Variants in CUBN observed in about 807,000 individuals in gnomAD.
CUBN encodes cubilin.
A neutral mutation model predicts 405.3 loss-of-function variants in CUBN; 282 were observed. The observed-to-expected ratio is 0.70, with a 90% CI of 0.63 to 0.77. The LOEUF (loss-of-function observed/expected upper bound fraction) is 0.77. CUBN is among the 30% of genes least tolerant of loss of function. The probability of loss-of-function intolerance (pLI) is 0.00; values close to 1 mark genes in which losing one functional copy is unlikely to be tolerated. For synonymous variants in CUBN, 1,684 were observed against 1,617.0 expected (o/e 1.04, Z -0.99); for missense variants, 4,514 against 4,475.2 (o/e 1.01, Z -0.25).
chr10:16,867,035 C>T (rs1164496118), intron 59 of CUBN, among the ~76,000 whole-genome samples: 1 of 152,174 alleles, frequency 6.6e-6, no homozygotes, highest in Non-Finnish European at 1.5e-5. Context: ...GTACATAAAA[C>T]ATTGCCAAGT....
chr10:17,047,622 C>T lies in CUBN; in HGVS notation c.3140-19G>A, dbSNP rs756998727. ...AAACATGCTGTGAACAGAAACAGACCATAAGAGAGAAAATAGAAAATATTG... is the reference window on the plus strand; with the variant it reads ...AAACATGCTGTGAACAGAAACAGACTATAAGAGAGAAAATAGAAAATATTG... On this transcript the variant is annotated intron_variant, in intron 22 of 66. Transcript: ENST00000377833. 4.4e-5 allele frequency: 70 copies of T among 1,605,368 alleles called. No individual in the cohort carries two copies. Among genetic ancestry groups the T allele is most frequent in the Non-Finnish European group, 5.5e-5 (65 of 1,172,336 alleles).
chr10:16,973,993 T>A (rs981947441), intron 31 of CUBN, among the ~76,000 whole-genome samples: 3 of 152,158 alleles, frequency 2.0e-5, no homozygotes, highest in African/African-American at 7.2e-5. Context: ...GCATTTCTGC[T>A]CCTAGTATTC....
intron 28 of CUBN, among the ~76,000 whole-genome samples, chr10:16,999,440 CA>C (rs1564470530): frequency 6.6e-6 from 1 of 152,174 alleles, no homozygotes; most frequent in Non-Finnish European, 1.5e-5. Flanking sequence ...TAATTTCAAT[CA>C]AATTAAAAAA....
At chr10:16,877,884 T>C (rs1318820073) in intron 56 of CUBN, among the ~76,000 whole-genome samples, 2 of 152,248 alleles carry the variant, frequency 1.3e-5, no homozygotes, top group Non-Finnish European at 2.9e-5. Context: ...TTAACTTGGA[T>C]CATACCTAAT....
chr10:17,112,622 GC>G (rs1485827379), intron 8 of CUBN, among the ~76,000 whole-genome samples: 2 of 151,618 alleles, frequency 1.3e-5, no homozygotes, highest in East Asian at 3.9e-4. Flanking sequence ...AATTGTGCTT[GC>G]CCCTGAGAAC....
At chr10:16,859,208 C>T (rs547030315) in intron 59 of CUBN, among the ~76,000 whole-genome samples, 24 of 152,108 alleles carry the variant, frequency 1.6e-4, no homozygotes, top group Non-Finnish European at 3.5e-4. Context: ...TGGGAAATAA[C>T]ATTTGCAAAC....
chr10:16,916,300 T>A (rs1588646973), intron 45 of CUBN, among the ~76,000 whole-genome samples: 1 of 152,250 alleles, frequency 6.6e-6, no homozygotes, highest in Non-Finnish European at 1.5e-5. Context: ...TATTCTGTAA[T>A]GTCACATTAA....
chr10:16,904,135 AAGTGCCATCATTG>A lies in CUBN; in HGVS notation c.7913-33_7913-21del. 6.2e-7 allele frequency: 1 copy of A among 1,612,204 alleles called. No individual in the cohort carries two copies. The highest frequency in any genetic ancestry group is 8.5e-7 in the Non-Finnish European group (1 of 1,178,326). On this transcript the variant is annotated intron_variant, in intron 50 of 66. Coordinates refer to ENST00000377833, the MANE Select transcript of CUBN (RefSeq NM_001081.4). ...CATCACCTGAACAAAATAATATACC[AAGTGCCATCATTG>A]ATACAGCTTTTGAGAAATACATTCA...
chr10:17,100,007 G>T lies in CUBN; in HGVS notation c.1763C>A (p.Pro588Gln). Residue 588 changes from proline to glutamine, a missense_variant and splice_region_variant, in exon 14 of 67, where the codon CCA (proline) becomes CAA (glutamine). Pro to Gln is a moderately conservative substitution (Grantham distance 76). Around this residue, in one of 5 missense-constraint regions of CUBN, gnomAD observed 1,448 missense variants for 1,388.0 expected, o/e 1.04. Transcript: ENST00000377833. ...TTTTTCTCCAGGTTCACACATACCT[G>T]GTTGCTGTGTTTCCCATCTTACTGT... ...GFTVRWETQQ[P>Q]ECGGILTGPY... The T allele has an allele frequency of 6.2e-7, 1 of 1,606,910 alleles. No individual in the cohort carries two copies. The highest frequency in any genetic ancestry group is 1.1e-5 in the South Asian group (1 of 90,864).
At chr10:16,891,261 G>GA (rs2131401613) in intron 54 of CUBN, among the ~76,000 whole-genome samples, 1 of 152,240 alleles carries the variant, frequency 6.6e-6, no homozygotes, top group African/African-American at 2.4e-5. Flanking sequence ...TCAGTCCAGG[G>GA]AAAAACAGAG....
chr10:16,827,715 C>G (rs535302951), intron 66 of CUBN, among the ~76,000 whole-genome samples: 41 of 152,354 alleles, frequency 2.7e-4, no homozygotes, highest in African/African-American at 9.4e-4. Context: ...AATTATTTTC[C>G]CTCAGCCTCC....
chr10:17,125,249 C>T (rs545110350), intron 4 of CUBN, among the ~76,000 whole-genome samples: 1 of 151,902 alleles, frequency 6.6e-6, no homozygotes, highest in South Asian at 2.1e-4. Flanking sequence ...CACATACATA[C>T]ACACACACAT....
At position 16,842,186 on chromosome 10, in the gene CUBN, A is replaced by T. The variant is rs553892412; in HGVS notation, c.9664-1139T>A. On this transcript the variant is annotated intron_variant, in intron 60 of 66. Coordinates refer to ENST00000377833, the MANE Select transcript of CUBN (RefSeq NM_001081.4). ...CAGCCTCCCAAGTACCTGGGACTAC[A>T]GGTGCATGCCACCATGCCTAGCTAA... Among the ~76,000 whole-genome samples the T allele has an allele frequency of 2.6e-4, 39 of 152,100 alleles. No individual in the cohort carries two copies. In the East Asian group the frequency reaches 7.3e-3, roughly 29 times the overall value.
chr10:16,839,974 C>A (rs1318849039), intron 62 of CUBN, among the ~76,000 whole-genome samples: 3 of 151,092 alleles, frequency 2.0e-5, no homozygotes, highest in Non-Finnish European at 2.9e-5. Flanking sequence ...GGACAAAAAA[C>A]CAAACACCGC....
chr10:16,947,397 C>A, intron 35 of CUBN, 30 bp from the exon 36 acceptor site: 1 of 1,613,252 alleles, frequency 6.2e-7, no homozygotes, highest in Non-Finnish European at 8.5e-7. Context: ...AAGTGAGTAT[C>A]AGAGCAAAGA....
At chr10:16,960,529 A>C (rs1843187929) in intron 31 of CUBN, among the ~76,000 whole-genome samples, 1 of 152,088 alleles carries the variant, frequency 6.6e-6, no homozygotes, top group Non-Finnish European at 1.5e-5. Flanking sequence ...AAAAACAAAA[A>C]GCTTAACTTT....
rs577354013 is a variant in CUBN at position 16,957,946 on chromosome 10, C to T, written c.4696-3398G>A. Among the ~76,000 whole-genome samples, 34 of 150,420 alleles carry T rather than the reference C, an allele frequency of 2.3e-4. No homozygotes were observed. In the South Asian group the frequency reaches 7.0e-3, roughly 31 times the overall value. On this transcript the variant is annotated intron_variant, in intron 31 of 66. Coordinates refer to ENST00000377833, the MANE Select transcript of CUBN (RefSeq NM_001081.4). ...AAGATTTTGCAAGTCCATGGACTCACAAAATAAGACTCTTCTGGTTTTAAA... is the reference window on the plus strand; with the variant it reads ...AAGATTTTGCAAGTCCATGGACTCATAAAATAAGACTCTTCTGGTTTTAAA...
At position 16,925,397 on chromosome 10, in the gene CUBN, G is replaced by C. The variant is rs199915629; in HGVS notation, c.6490C>G (p.Pro2164Ala). 2 of 1,613,860 alleles carry C rather than the reference G, an allele frequency of 1.2e-6. No homozygotes were observed. The highest frequency in any genetic ancestry group is 2.7e-5 in the African/African-American group (2 of 74,912). ...TTTCCTCCAGGGGGTCCCAAGGGTG[G>C]AGAACAGATATCAGGACCATTTCTT... is the stretch of plus-strand genomic sequence containing the variant. ...VLRNGPDICSPPLGPPGGNGH... is the reference protein window; with the variant it reads ...VLRNGPDICSAPLGPPGGNGH... The change falls in exon 43 of 67, where the codon CCA (proline) becomes GCA (alanine). Residue 2164 changes from proline (P) to alanine (A), a missense_variant. Physicochemically the swap from Pro to Ala is conservative, Grantham distance 27. Transcript: ENST00000377833.
At chr10:16,828,496 T>C (rs1319265661) in intron 66 of CUBN, among the ~76,000 whole-genome samples, 1 of 152,186 alleles carries the variant, frequency 6.6e-6, no homozygotes, top group Non-Finnish European at 1.5e-5. Flanking sequence ...AGCGGGTGGA[T>C]CACCTGAGGT....
Sources: allele counts gnomAD v4.1 joint callset (sites outside exome capture counted in the v4.1 genomes callset), GRCh38; gene constraint gnomAD v4.1.1; regional missense constraint gnomAD v4.1.1; transcripts MANE v1.5; gene names NCBI Gene and HGNC (gene_info 2026-07-23, HGNC 2026-07-21).